Variants in PDE6A observed in about 807,000 individuals in gnomAD.
PDE6A encodes the protein phosphodiesterase 6A.
A neutral mutation model predicts 106.3 loss-of-function variants in PDE6A; 84 were observed. The observed-to-expected ratio is 0.79, with a 90% confidence interval of 0.66 to 0.95. The LOEUF is 0.95. Ranked by LOEUF, PDE6A falls within the 40% of genes least tolerant of loss-of-function variation. The pLI is 0.00. For synonymous variants in PDE6A, 394 were observed against 386.6 expected, an observed-to-expected ratio of 1.02 and a Z score of -0.23; for missense variants, 1,052 against 1,084.9, an observed-to-expected ratio of 0.97 and a Z score of 0.43.
At chr5:149,920,861 C>A (rs779379183) in intron 5 of PDE6A, among the ~76,000 whole-genome samples, 2 of 147,852 alleles carry the variant, frequency 1.4e-5, no homozygotes, top group Non-Finnish European at 3.0e-5. Flanking sequence ...CATACAAAGA[C>A]CCTATCTGAG....
At chr5:149,929,645 A>AAATAAAT (rs1561780707) in intron 4 of PDE6A, among the ~76,000 whole-genome samples, 4 of 103,712 alleles carry the variant, frequency 3.9e-5, no homozygotes, top group African/African-American at 1.7e-4. Context: ...AATAAATAAA[A>AAATAAAT]GAAGCCAAAC....
Position 149,858,590 on chromosome 5 carries a change from C to G in PDE6A, c.*2305G>C, listed in dbSNP as rs536764290. ...AGGAGTTTGAGGCCAGCCTGGGCAA[C>G]AGAATGAGACCCCATGTCTACAAAG... On this transcript the variant is annotated 3_prime_UTR_variant, in exon 22 of 22. Coordinates refer to ENST00000255266, the MANE Select transcript of PDE6A (RefSeq NM_000440.3). 5.9e-5 allele frequency: 9 copies of G among 152,252 alleles called. No individual in the cohort carries two copies. The highest frequency in any genetic ancestry group is 2.2e-4 in the African/African-American group (9 of 41,540). The allele number at this position is 152,252 out of a possible 1,614,324, so 9.4% of individuals were successfully genotyped here. A position where few individuals can be genotyped will look rare whatever the true frequency, so the allele number is the denominator to read the frequency against.
In PDE6A at chr5:149,859,889, T is replaced by G. The variant is rs1375388128; in HGVS notation, c.*1006A>C. On this transcript the variant is annotated 3_prime_UTR_variant, in exon 22 of 22. Coordinates refer to ENST00000255266, the MANE Select transcript of PDE6A (RefSeq NM_000440.3). ...GAGATAGTAGAGGTGTGAAATGATA[T>G]GTTTGGGATTTGCCTTTTCTTTTGC... The G allele has an allele frequency of 6.6e-6, 1 of 152,194 alleles. No homozygotes were observed. The highest frequency in any genetic ancestry group is 2.4e-5 in the African/African-American group (1 of 41,434). The allele number at this position is 152,194 out of a possible 1,614,324, so 9.4% of individuals were successfully genotyped here. A position where few individuals can be genotyped will look rare whatever the true frequency, so the allele number is the denominator to read the frequency against.
chr5:149,923,519 AT>A (rs1473894086), intron 4 of PDE6A, among the ~76,000 whole-genome samples: 6 of 6,220 alleles, frequency 9.6e-4, no homozygotes, highest in African/African-American at 3.1e-3. Context: ...ATAACATAAC[AT>A]AACATAACAT....
At chr5:149,928,358 C>T (rs1753932086) in intron 4 of PDE6A, among the ~76,000 whole-genome samples, 1 of 149,674 alleles carries the variant, frequency 6.7e-6, no homozygotes, top group African/African-American at 2.5e-5. Flanking sequence ...CTGCCTCAGC[C>T]TCCTGAGTAG....
rs727504073 is a variant in PDE6A, at chr5:149,898,363, C to G, written c.1407G>C (p.Leu469Phe). The G allele has an allele frequency of 3.7e-6, 6 of 1,613,122 alleles. No homozygotes were observed. Among genetic ancestry groups the G allele is most frequent in the Middle Eastern group, 1.7e-4 (1 of 6,056 alleles). The change falls in exon 10 of 22, where the codon TTG becomes TTC. Residue 469 changes from leucine to phenylalanine, a missense_variant and splice_region_variant. By Grantham distance (22) the Leu-to-Phe change is conservative (BLOSUM62 0). Coordinates refer to ENST00000255266, the MANE Select transcript of PDE6A (RefSeq NM_000440.3). ...GAAACAAGTAAAGAACATTACACAC[C>G]AAGATTTTCTGAATTTCTTCATTGT... ...KCDNEEIQKI[L>F]KTREVYGKEP...
At chr5:149,887,716 T>G (rs1034185308) in intron 13 of PDE6A, among the ~76,000 whole-genome samples, 1 of 151,716 alleles carries the variant, frequency 6.6e-6, no homozygotes, top group Non-Finnish European at 1.5e-5. Context: ...TCCTATCATA[T>G]CTTGCTGGGC....
chr5:149,940,817 A>G (rs1225120706), intron 1 of PDE6A, among the ~76,000 whole-genome samples: 1 of 152,104 alleles, frequency 6.6e-6, no homozygotes, highest in Non-Finnish European at 1.5e-5. Context: ...GAATTCTTGC[A>G]TTCATGCATG....
chr5:149,915,129 C>T lies in PDE6A; in HGVS notation c.934-122G>A, dbSNP rs573779146. The T allele has an allele frequency of 8.6e-5, 53 of 615,668 alleles. No homozygotes were observed. The East Asian group carries it at 1.1e-3, about 13-fold the overall frequency. 38.1% of individuals were successfully genotyped at this position (615,668 alleles called of 1,614,324 possible). ...AGCTCACTGCAACCTCCATCTCCTG[C>T]GTTCAAGCTATTCTTCTGCCTCAGC... is the stretch of plus-strand genomic sequence containing the variant. On this transcript the variant is annotated intron_variant, in intron 5 of 21. Transcript: ENST00000255266.
intron 7 of PDE6A, among the ~76,000 whole-genome samples, chr5:149,904,769 A>G (rs1753121593): frequency 1.3e-5 from 2 of 152,006 alleles, no homozygotes; most frequent in South Asian, 4.1e-4. Flanking sequence ...TCTATCAGTT[A>G]CTATCATTGT....
In PDE6A at chr5:149,883,486, C is replaced by T; in HGVS notation, c.2078G>A (p.Ser693Asn). ...CATGTACTGTGTCCACTCCTGTTCA[C>T]TCTCATATGTCTTAGACTGATCCAC... ...KIVDQSKTYE[S>N]EQEWTQYMML... The change falls in exon 17 of 22, where the codon AGT becomes AAT. Residue 693 changes from serine to asparagine, a missense_variant. Transcript: ENST00000255266. The T allele has an allele frequency of 1.2e-6, 2 of 1,613,920 alleles. No homozygotes were observed. Among genetic ancestry groups the T allele is most frequent in the Non-Finnish European group, 1.7e-6 (2 of 1,179,814 alleles).
chr5:149,932,538 A>G, intron 3 of PDE6A: 2 of 1,409,332 alleles, frequency 1.4e-6, no homozygotes, highest in Non-Finnish European at 2.0e-6. Flanking sequence ...AGCATTTGGA[A>G]CTCCTTTTTG....
chr5:149,935,618 C>A (rs1754159034), intron 1 of PDE6A, among the ~76,000 whole-genome samples: 1 of 152,202 alleles, frequency 6.6e-6, no homozygotes, highest in South Asian at 2.1e-4. Context: ...CCATAAACCT[C>A]CCCTAATGCA....
At chr5:149,911,010 G>A (rs1369059272) in intron 6 of PDE6A, among the ~76,000 whole-genome samples, 3 of 150,932 alleles carry the variant, frequency 2.0e-5, no homozygotes, top group Admixed American at 6.6e-5. Context: ...CTCCTGAGCA[G>A]CTGGGACCAC....
intron 13 of PDE6A, among the ~76,000 whole-genome samples, chr5:149,888,292 A>ATTAT (rs1752392909): frequency 6.6e-6 from 1 of 152,108 alleles, no homozygotes; most frequent in Admixed American, 6.6e-5. Context: ...GCTTCTAGAA[A>ATTAT]TTATTATTCA....
intron 1 of PDE6A, among the ~76,000 whole-genome samples, chr5:149,940,873 C>T (rs904504152): frequency 1.3e-5 from 2 of 152,192 alleles, no homozygotes; most frequent in African/African-American, 4.8e-5. Flanking sequence ...GGTTTAGTTT[C>T]CTTGTCTATT....
intron 17 of PDE6A, among the ~76,000 whole-genome samples, chr5:149,869,838 C>A (rs1276818616): frequency 2.6e-5 from 4 of 152,024 alleles, no homozygotes; most frequent in Non-Finnish European, 4.4e-5. Flanking sequence ...TGGGCAGGAA[C>A]TGGGGAGAGG....
intron 1 of PDE6A, among the ~76,000 whole-genome samples, chr5:149,939,350 G>A (rs761348648): frequency 5.9e-5 from 9 of 152,128 alleles, no homozygotes; most frequent in Non-Finnish European, 1.3e-4. Context: ...AAAACACCCT[G>A]AATCCTCAAT....
intron 8 of PDE6A, among the ~76,000 whole-genome samples, chr5:149,902,166 T>A (rs981186902): frequency 6.6e-6 from 1 of 152,202 alleles, no homozygotes; most frequent in Non-Finnish European, 1.5e-5. Context: ...TAGAATCTTC[T>A]CCTGCCAGTC....
Sources: allele counts gnomAD v4.1 joint callset (sites outside exome capture counted in the v4.1 genomes callset), GRCh38; gene constraint gnomAD v4.1.1; transcripts MANE v1.5; gene names NCBI Gene and HGNC (gene_info 2026-07-23, HGNC 2026-07-21).